The following CAMTA1 variants were observed in gnomAD, a reference collection of about 807,000 sequenced individuals.
CAMTA1 encodes the protein calmodulin-binding transcription activator 1.
Under a neutral mutation model 170.9 loss-of-function variants are expected in CAMTA1, and 27 were observed. That is an observed-to-expected ratio of 0.16 (90% CI 0.12 to 0.22). The LOEUF (loss-of-function observed/expected upper bound fraction) is 0.22, where lower values mean the gene tolerates loss of function less well. CAMTA1 is among the 10% of genes least tolerant of loss of function. The pLI, the probability that CAMTA1 is intolerant of heterozygous loss-of-function variation, is 1.00. For synonymous variants in CAMTA1, 833 were observed against 891.5 expected (o/e 0.93, Z 1.17); for missense variants, 1,619 against 2,217.2 (o/e 0.73, Z 5.42).
At chr1:7,747,065 T>G (rs1443076915) in intron 18 of CAMTA1, among the ~76,000 whole-genome samples, 1 of 152,258 alleles carries the variant, frequency 6.6e-6, no homozygotes, top group Non-Finnish European at 1.5e-5. Flanking sequence ...TCTCAGAAGC[T>G]TTAGTAAAAT....
chr1:6,940,083 G>A lies in CAMTA1; in HGVS notation c.234+114873G>A, dbSNP rs1303474382. On this transcript the variant is annotated intron_variant, in intron 3 of 22. Transcript: ENST00000303635. ...TGAGTTGAGTCCCCACCCTGCACCT[G>A]TGAAATCTTCAACTAGGTGCTGGGA... Among the ~76,000 whole-genome samples the A allele has an allele frequency of 3.2e-4, 48 of 152,276 alleles. 1 individual carries two copies. The highest frequency in any genetic ancestry group is 1.2e-4 in the Non-Finnish European group (8 of 68,046).
Position 7,605,467 on chromosome 1 carries a change from G to A in CAMTA1, c.511-34933G>A, listed in dbSNP as rs916162809. ...TAGCAATGAGCGAGGCTCTGTGGGC[G>A]TAGGACCCTCTGAGCCATGTGTGGG... On this transcript the variant is annotated intron_variant, in intron 6 of 22. Transcript: ENST00000303635. Among the ~76,000 whole-genome samples, 14 of 152,226 alleles carry A rather than the reference G, an allele frequency of 9.2e-5. 1 individual carries two copies. Among genetic ancestry groups the A allele is most frequent in the South Asian group, 4.1e-4 (2 of 4,834 alleles).
chr1:7,378,503 G>A lies in CAMTA1; in HGVS notation c.439-89327G>A, dbSNP rs1224649138. ...TATTGCTGAGTGAAAGAAGTCAGTC[G>A]CAGCAGGCCGCACATGGTGTGTTTC... On this transcript the variant is annotated intron_variant, in intron 5 of 22. Transcript: ENST00000303635. Among the ~76,000 whole-genome samples, 14 of 152,158 alleles carry A rather than the reference G, an allele frequency of 9.2e-5. 1 individual carries two copies. The highest frequency in any genetic ancestry group is 6.5e-4 in the Admixed American group (10 of 15,278).
Position 7,565,875 on chromosome 1 carries a change from C to G in CAMTA1, c.511-74525C>G, listed in dbSNP as rs1466141713. 6.6e-6 allele frequency among the ~76,000 whole-genome samples: 1 copy of G among 151,954 alleles called. No individual in the cohort carries two copies. The highest frequency in any genetic ancestry group is 2.4e-5 in the African/African-American group (1 of 41,340). On this transcript the variant is annotated intron_variant, in intron 6 of 22. Transcript: ENST00000303635. This position sits in a 1 kb window ranked among gnomAD's most constrained non-coding sequence, Gnocchi z 4.5. Reference sequence around the variant, plus strand: ...CGTGGTTGGGGGCTGGTGAGGACTCCCTTCCTGGCTTGCAGACAGCCGCCT... The same window carrying G: ...CGTGGTTGGGGGCTGGTGAGGACTCGCTTCCTGGCTTGCAGACAGCCGCCT...
chr1:7,492,835 A>G (rs963579200), intron 6 of CAMTA1, among the ~76,000 whole-genome samples: 1 of 150,648 alleles, frequency 6.6e-6, no homozygotes, highest in African/African-American at 2.5e-5. Context: ...AAACATACAA[A>G]CACGCACACG....
Position 7,339,111 on chromosome 1 carries a change from G to A in CAMTA1, c.438+89485G>A, listed in dbSNP as rs181571980. 2.1e-3 allele frequency among the ~76,000 whole-genome samples: 327 copies of A among 152,278 alleles called. 1 individual carries two copies. Among genetic ancestry groups the A allele is most frequent in the African/African-American group, 7.7e-3 (321 of 41,544 alleles). ...ACCAGGCCCCTCTTCCAACATTGGG[G>A]ATTACAATTTGACATGAGATTTGTT... On this transcript the variant is annotated intron_variant, in intron 5 of 22. Coordinates refer to ENST00000303635, the MANE Select transcript of CAMTA1 (RefSeq NM_015215.4).
chr1:6,889,707 T>G (rs1674098486), intron 3 of CAMTA1, among the ~76,000 whole-genome samples: 1 of 152,240 alleles, frequency 6.6e-6, no homozygotes, highest in African/African-American at 2.4e-5. Context: ...ATGTTTTTCT[T>G]GGCGCTCTTA....
intron 1 of CAMTA1, among the ~76,000 whole-genome samples, chr1:6,808,177 A>G (rs1164684626): frequency 6.6e-6 from 1 of 152,012 alleles, no homozygotes. Flanking sequence ...CCTGAAAGTC[A>G]GACCGAAGAA....
chr1:7,256,242 A>T (rs1667341899), intron 5 of CAMTA1, among the ~76,000 whole-genome samples: 1 of 152,202 alleles, frequency 6.6e-6, no homozygotes, highest in Non-Finnish European at 1.5e-5. Flanking sequence ...AATAACATTA[A>T]GCTAGCTCCA....
At chr1:6,814,302 C>T (rs2148384292) in intron 1 of CAMTA1, among the ~76,000 whole-genome samples, 1 of 152,280 alleles carries the variant, frequency 6.6e-6, no homozygotes, top group South Asian at 2.1e-4. Context: ...TCATGAAACC[C>T]ATCTCCTTCT....
chr1:7,180,312 C>T (rs1398174147), intron 4 of CAMTA1, among the ~76,000 whole-genome samples: 2 of 151,580 alleles, frequency 1.3e-5, no homozygotes, highest in African/African-American at 2.4e-5. Flanking sequence ...GAGCTGAGAT[C>T]ACACCATTGC....
At chr1:7,270,794 A>G (rs189892394) in intron 5 of CAMTA1, among the ~76,000 whole-genome samples, 4 of 152,332 alleles carry the variant, frequency 2.6e-5, no homozygotes, top group Admixed American at 2.6e-4. Context: ...CAGCCTGAAC[A>G]ACATAGTAAG....
At chr1:7,758,717 C>T (rs1339431261) in intron 22 of CAMTA1, among the ~76,000 whole-genome samples, 3 of 152,070 alleles carry the variant, frequency 2.0e-5, no homozygotes, top group Middle Eastern at 3.4e-3. Context: ...GGGCGGATCA[C>T]GAGGTCAGGA....
Position 6,887,982 on chromosome 1 carries a change from G to T in CAMTA1, c.234+62772G>T. 1.7e-6 allele frequency: 2 copies of T among 1,198,450 alleles called. No homozygotes were observed. The highest frequency in any genetic ancestry group is 1.0e-6 in the Non-Finnish European group (1 of 957,382). The allele number at this position is 1,198,450 out of a possible 1,614,324, so 74.2% of individuals were successfully genotyped here. On this transcript the variant is annotated intron_variant, in intron 3 of 22. Transcript: ENST00000303635. This position sits in a 1 kb window ranked among gnomAD's most constrained non-coding sequence, Gnocchi z 4.1. ...TGTGCACACGCCTCCTGGTCCAGAG[G>T]CCTCCGTGACCATCCATGATGCCAC...
intron 5 of CAMTA1, among the ~76,000 whole-genome samples, chr1:7,344,597 C>G (rs1237013587): frequency 6.6e-6 from 1 of 151,846 alleles, no homozygotes; most frequent in Non-Finnish European, 1.5e-5. Flanking sequence ...ACCCTCTGCG[C>G]ATGAGGTCAG....
At chr1:6,819,139 G>A (rs1646184686) in intron 1 of CAMTA1, among the ~76,000 whole-genome samples, 2 of 152,076 alleles carry the variant, frequency 1.3e-5, no homozygotes, top group African/African-American at 4.8e-5. Context: ...ATAAAATGTT[G>A]AGGGTGGTTG....
At chr1:7,469,120 C>A (rs1322495626) in intron 6 of CAMTA1, among the ~76,000 whole-genome samples, 1 of 152,184 alleles carries the variant, frequency 6.6e-6, no homozygotes, top group African/African-American at 2.4e-5. Flanking sequence ...CAAATGATGC[C>A]CGAGACCATC....
intron 5 of CAMTA1, among the ~76,000 whole-genome samples, chr1:7,312,645 A>G (rs184607946): frequency 6.6e-6 from 1 of 152,100 alleles, no homozygotes; most frequent in Non-Finnish European, 1.5e-5. Context: ...GCTTCCATAT[A>G]CTTTTGCTCA....
chr1:6,802,858 C>T (rs1057284946), intron 1 of CAMTA1, among the ~76,000 whole-genome samples: 1 of 152,268 alleles, frequency 6.6e-6, no homozygotes, highest in African/African-American at 2.4e-5. Context: ...CCTCAGCCCC[C>T]CAAGCTGAGG....
Sources: gnomAD v4.1 joint callset for allele counts (sites outside exome capture counted in the v4.1 genomes callset) on GRCh38, gnomAD v4.1.1 for gene constraint, Gnocchi (gnomAD v3.1) non-coding constraint, MANE v1.5 for transcripts, NCBI Gene and HGNC (gene_info 2026-07-23, HGNC 2026-07-21) for gene names.